Variants in LMO7 observed in about 807,000 individuals in gnomAD.
LMO7 encodes LIM domain 7, also known as LIM domain only protein 7.
LMO7 carries 120 observed loss-of-function variants against 206.5 expected under a neutral mutation model. That is an observed-to-expected ratio of 0.58 (90% CI 0.50 to 0.68). The LOEUF is 0.68. Ranked by LOEUF, LMO7 falls within the 30% of genes least tolerant of loss-of-function variation. The pLI is 0.00. For synonymous variants in LMO7, 706 were observed against 681.5 expected, an observed-to-expected ratio of 1.04 and a Z score of -0.56; for missense variants, 1,959 against 1,957.9, an observed-to-expected ratio of 1.00 and a Z score of -0.01.
chr13:75,820,645 A>G (rs1016183604), intron 13 of LMO7, among the ~76,000 whole-genome samples: 46 of 152,342 alleles, frequency 3.0e-4, no homozygotes, highest in African/African-American at 1.0e-3. Context: ...TTTGAGAACC[A>G]TTTTAATTAA....
At chr13:75,635,303 T>C (rs1224852624), upstream of LMO7, among the ~76,000 whole-genome samples, 1 of 152,140 alleles carries the variant, frequency 6.6e-6, no homozygotes, top group East Asian at 1.9e-4. Flanking sequence ...ACCTGTGGCC[T>C]GGATAGTGCC....
At chr13:75,746,503 C>T (rs1017326266) in intron 3 of LMO7, among the ~76,000 whole-genome samples, 1 of 152,074 alleles carries the variant, frequency 6.6e-6, no homozygotes, top group African/African-American at 2.4e-5. Context: ...GGGTTTTGTT[C>T]ATCTTGTACA....
At position 75,792,362 on chromosome 13, in the gene LMO7, A is replaced by G. The variant is rs534530001; in HGVS notation, c.318-3039A>G. Among the ~76,000 whole-genome samples the G allele has an allele frequency of 2.6e-5, 4 of 152,310 alleles. No individual in the cohort carries two copies. The South Asian group carries it at 6.2e-4, about 24-fold the overall frequency. ...CCCTACTTTGTCCAGAAGGAAATCA[A>G]AGCTTTGAGAGTCAAGTAAATTACC... On this transcript the variant is annotated intron_variant, in intron 4 of 30. Transcript: ENST00000377534.
At chr13:75,842,716 G>T in intron 24 of LMO7, 135 bp from the exon 25 acceptor site, 1 of 604,744 alleles carries the variant, frequency 1.7e-6, no homozygotes, top group Non-Finnish European at 3.0e-6. Context: ...AAATACCTTT[G>T]TATGTTTAGT....
chr13:75,722,812 T>C (rs2044137626), intron 2 of LMO7, among the ~76,000 whole-genome samples: 1 of 152,172 alleles, frequency 6.6e-6, no homozygotes, highest in African/African-American at 2.4e-5. Context: ...GGTGTATATA[T>C]GCATATACCA....
chr13:75,831,678 C>A (rs1817719859), intron 15 of LMO7, among the ~76,000 whole-genome samples: 1 of 152,074 alleles, frequency 6.6e-6, no homozygotes, highest in Non-Finnish European at 1.5e-5. Context: ...AACAAGGCAA[C>A]CTCACTTTAT....
At chr13:75,788,520 C>T (rs2052777007) in intron 4 of LMO7, among the ~76,000 whole-genome samples, 1 of 150,672 alleles carries the variant, frequency 6.6e-6, no homozygotes, top group African/African-American at 2.4e-5. Context: ...ATTTTCCCTA[C>T]TGTCTCCCAC....
intron 4 of LMO7, among the ~76,000 whole-genome samples, chr13:75,766,816 A>G (rs1447962945): frequency 6.6e-6 from 1 of 152,220 alleles, no homozygotes; most frequent in South Asian, 2.1e-4. Context: ...TCCTGTTACC[A>G]TACATCTTTG....
At chr13:75,771,773 A>T (rs929538365) in intron 4 of LMO7, among the ~76,000 whole-genome samples, 1 of 152,078 alleles carries the variant, frequency 6.6e-6, no homozygotes, top group African/African-American at 2.4e-5. Context: ...ATGATTACAT[A>T]TTAAATTTTA....
chr13:75,774,508 T>G (rs1226003209), intron 4 of LMO7, among the ~76,000 whole-genome samples: 4 of 152,148 alleles, frequency 2.6e-5, no homozygotes, highest in African/African-American at 9.6e-5. Context: ...TTGTCCCACA[T>G]TCTCCTCGAC....
chr13:75,837,420 G>A (rs1484457582), intron 19 of LMO7, among the ~76,000 whole-genome samples: 1 of 152,192 alleles, frequency 6.6e-6, no homozygotes, highest in African/African-American at 2.4e-5. Context: ...ACGACTAGGG[G>A]ACTATACGTG....
At chr13:75,718,575 C>T (rs1406150264) in intron 2 of LMO7, among the ~76,000 whole-genome samples, 1 of 152,082 alleles carries the variant, frequency 6.6e-6, no homozygotes, top group Non-Finnish European at 1.5e-5. Context: ...GCACAGCCTC[C>T]CCCATTATCA....
Position 75,636,469 on chromosome 13 carries a change from A to AGATCTC in LMO7, c.-188_-187insATCTCG. 1.4e-6 allele frequency: 2 copies of AGATCTC among 1,435,382 alleles called. No individual in the cohort carries two copies. The highest frequency in any genetic ancestry group is 2.9e-5 in the Admixed American group (1 of 34,934). 88.9% of individuals were successfully genotyped at this position (1,435,382 alleles called of 1,614,324 possible). The stretch of plus-strand genomic sequence containing the variant: ...GAAAGCCAGGTCTTCACGTTCGTGT[A>AGATCTC]GGTTCGAGACCTTAACGAACTGCAG... On this transcript the variant is annotated 5_prime_UTR_variant, in exon 1 of 31. Coordinates refer to ENST00000377534, the MANE Select transcript of LMO7 (RefSeq NM_001306080.2).
At chr13:75,666,819 C>T (rs942753735) in intron 1 of LMO7, among the ~76,000 whole-genome samples, 1 of 152,112 alleles carries the variant, frequency 6.6e-6, no homozygotes, top group Non-Finnish European at 1.5e-5. Context: ...CTTAGAGAGC[C>T]CAGGTCATCC....
intron 1 of LMO7, among the ~76,000 whole-genome samples, chr13:75,681,919 T>G (rs992411656): frequency 7.2e-5 from 11 of 151,768 alleles, no homozygotes; most frequent in African/African-American, 2.7e-4. Flanking sequence ...TGAAGGAGAT[T>G]TGGGTTGTTT....
chr13:75,681,009 G>C (rs1289725508), intron 1 of LMO7, among the ~76,000 whole-genome samples: 1 of 151,146 alleles, frequency 6.6e-6, no homozygotes, highest in African/African-American at 2.4e-5. Flanking sequence ...TTTTTAATGA[G>C]GTTTTTTTTT....
chr13:75,707,962 T>C (rs955450914), intron 1 of LMO7, among the ~76,000 whole-genome samples: 1 of 152,142 alleles, frequency 6.6e-6, no homozygotes, highest in Admixed American at 6.5e-5. Flanking sequence ...TCTGAATAGC[T>C]TTGAATATTC....
intron 4 of LMO7, among the ~76,000 whole-genome samples, chr13:75,770,190 T>TTC (rs1555314673): frequency 7.3e-5 from 11 of 150,974 alleles, no homozygotes; most frequent in South Asian, 2.1e-4. Flanking sequence ...TTTTTTTTTT[T>TTC]CCCCACCGAA....
chr13:75,855,610 A>C (rs1415879357), intron 29 of LMO7, among the ~76,000 whole-genome samples: 1 of 152,206 alleles, frequency 6.6e-6, no homozygotes, highest in Non-Finnish European at 1.5e-5. Context: ...AATTCTATAC[A>C]TTTACAGTAC....
Sources: allele counts gnomAD v4.1 joint callset (sites outside exome capture counted in the v4.1 genomes callset), GRCh38; gene constraint gnomAD v4.1.1; transcripts MANE v1.5; gene names NCBI Gene and HGNC (gene_info 2026-07-23, HGNC 2026-07-21).